The following TENM3 variants were observed in gnomAD, a reference collection of about 807,000 sequenced individuals.
TENM3 encodes the protein teneurin transmembrane protein 3, also known as teneurin-3.
A neutral mutation model predicts 255.1 loss-of-function variants in TENM3; 63 were observed. The ratio of observed to expected loss-of-function variants is 0.25; its 90% CI spans 0.20 to 0.30. The LOEUF (loss-of-function observed/expected upper bound fraction) is 0.30. Among genes scored for constraint, TENM3 ranks in the 10% least tolerant of loss-of-function variants. The probability of loss-of-function intolerance (pLI) is 1.00; values close to 1 mark genes in which losing one functional copy is unlikely to be tolerated. For missense variants in TENM3, 2,929 were observed against 3,461.1 expected, an observed-to-expected ratio of 0.85 and a Z score of 3.86; for synonymous variants, 1,306 against 1,322.3, an observed-to-expected ratio of 0.99 and a Z score of 0.27.
At chr4:181,714,304 T>G in the TENM3 span, among the ~76,000 whole-genome samples, 1 of 151,946 alleles carries the variant, frequency 6.6e-6, no homozygotes, top group East Asian at 1.9e-4. Context: ...TAGCTGGGTG[T>G]GGTGGCACAT....
intron 2 of TENM3, among the ~76,000 whole-genome samples, chr4:182,330,973 T>C (rs1440706263): frequency 6.6e-6 from 1 of 152,174 alleles, no homozygotes. Flanking sequence ...GAAATAGAGC[T>C]TTAGTGGAGG....
chr4:182,552,343 A>G (rs538289544), intron 3 of TENM3, among the ~76,000 whole-genome samples: 11 of 152,204 alleles, frequency 7.2e-5, no homozygotes, highest in Admixed American at 3.9e-4. Flanking sequence ...TGGAGTTCCA[A>G]TGATTGTCAA....
chr4:182,608,178 A>G (rs1020078731), intron 4 of TENM3, among the ~76,000 whole-genome samples: 1 of 152,164 alleles, frequency 6.6e-6, no homozygotes, highest in African/African-American at 2.4e-5. Flanking sequence ...TGTCTACTTG[A>G]CATCCTTGCT....
chr4:182,745,837 G>T, intron 19 of TENM3, among the ~76,000 whole-genome samples: 1 of 151,580 alleles, frequency 6.6e-6, no homozygotes, highest in Non-Finnish European at 1.5e-5. Flanking sequence ...AATCTATGAG[G>T]TTAGAGTTAC....
chr4:181,682,479 G>T, the TENM3 span, among the ~76,000 whole-genome samples: 2 of 152,148 alleles, frequency 1.3e-5, no homozygotes, highest in African/African-American at 4.8e-5. Flanking sequence ...CCCTCTATAT[G>T]TAGACACGGA....
chr4:182,441,628 G>A (rs187128439), intron 3 of TENM3, among the ~76,000 whole-genome samples: 30 of 152,318 alleles, frequency 2.0e-4, no homozygotes, highest in Admixed American at 1.6e-3. Flanking sequence ...CTCCCTAGTA[G>A]CTGGGACTAC....
the TENM3 span, among the ~76,000 whole-genome samples, chr4:181,542,145 T>A: frequency 6.6e-6 from 1 of 152,126 alleles, no homozygotes; most frequent in South Asian, 2.1e-4. Context: ...ACGGATGCTA[T>A]GGAGGAAATA....
chr4:181,563,109 C>T, the TENM3 span, among the ~76,000 whole-genome samples: 1 of 152,200 alleles, frequency 6.6e-6, no homozygotes, highest in Non-Finnish European at 1.5e-5. Flanking sequence ...TAACAAAGTA[C>T]CACACACGGG....
intron 2 of TENM3, among the ~76,000 whole-genome samples, chr4:182,329,966 G>C (rs1763645659): frequency 6.6e-6 from 1 of 151,782 alleles, no homozygotes; most frequent in African/African-American, 2.4e-5. Context: ...AGAAAAGGCA[G>C]GTTACTTTTT....
chr4:181,564,230 T>C, the TENM3 span, among the ~76,000 whole-genome samples: 1 of 152,048 alleles, frequency 6.6e-6, no homozygotes, highest in Non-Finnish European at 1.5e-5. Flanking sequence ...TCCACCATGT[T>C]GTCCAGGCTG....
the TENM3 span, among the ~76,000 whole-genome samples, chr4:181,648,336 A>G: frequency 6.6e-6 from 1 of 152,170 alleles, no homozygotes; most frequent in African/African-American, 2.4e-5. Context: ...GGTTTCCTAA[A>G]AAGGGTTTCC....
chr4:181,748,563 T>C, the TENM3 span, among the ~76,000 whole-genome samples: 1 of 152,082 alleles, frequency 6.6e-6, no homozygotes, highest in Admixed American at 6.6e-5. Flanking sequence ...TTTTTGCTAG[T>C]GACGGTTTAT....
At chr4:181,825,521 G>C in the TENM3 span, among the ~76,000 whole-genome samples, 1 of 151,224 alleles carries the variant, frequency 6.6e-6, no homozygotes, top group Non-Finnish European at 1.5e-5. Context: ...AGAAATAGAA[G>C]TACAGGGATT....
At chr4:182,138,756 C>G in the TENM3 span, among the ~76,000 whole-genome samples, 1 of 152,128 alleles carries the variant, frequency 6.6e-6, no homozygotes, top group Non-Finnish European at 1.5e-5. Flanking sequence ...ACATCATATC[C>G]TACTGAAAAA....
chr4:181,849,930 TTC>T, the TENM3 span, among the ~76,000 whole-genome samples: 11 of 84,022 alleles, frequency 1.3e-4, no homozygotes, highest in South Asian at 6.2e-4. Context: ...CTCTCTCTCT[TTC>T]TCTCTCTCTC....
At chr4:181,601,037 G>A in the TENM3 span, among the ~76,000 whole-genome samples, 1 of 152,086 alleles carries the variant, frequency 6.6e-6, no homozygotes, top group Non-Finnish European at 1.5e-5. Flanking sequence ...AGTGGGCAGA[G>A]CCCAGAGTGG....
In TENM3 at chr4:182,209,422, C is replaced by T. The variant is rs143657534; in HGVS notation, c.-76+64668C>T. ...CATGCTCATGCAGTAGAGCTCCCGT[C>T]CCCACCACTAGATCAAAGCTACACT... On this transcript the variant is annotated intron_variant, in intron 1 of 2. Coordinates refer to the TENM3 transcript ENST00000512480. 6.5e-4 allele frequency among the ~76,000 whole-genome samples: 99 copies of T among 152,204 alleles called. No individual in the cohort carries two copies. In the East Asian group the frequency reaches 0.018, roughly 28 times the overall value.
chr4:181,834,126 AAGAAAT>A, the TENM3 span, among the ~76,000 whole-genome samples: 1 of 152,076 alleles, frequency 6.6e-6, no homozygotes, highest in Admixed American at 6.6e-5. Context: ...AAAAAAAAAA[AAGAAAT>A]GAAGAAAGAA....
At chr4:181,594,263 T>C in the TENM3 span, among the ~76,000 whole-genome samples, 3 of 152,242 alleles carry the variant, frequency 2.0e-5, no homozygotes, top group Non-Finnish European at 4.4e-5. Context: ...GTAACTCAGC[T>C]GAAATTTGCT....
Sources: allele counts gnomAD v4.1 joint callset (sites outside exome capture counted in the v4.1 genomes callset), GRCh38; gene constraint gnomAD v4.1.1; transcripts MANE v1.5; gene names NCBI Gene and HGNC (gene_info 2026-07-23, HGNC 2026-07-21).